Variants in CERS5 observed in about 807,000 individuals in gnomAD.
CERS5 encodes the protein LAG1 homolog, ceramide synthase 5.
In CERS5, 37 loss-of-function variants were observed where a neutral mutation model predicts 58.9. The observed-to-expected ratio is 0.63, with a 90% CI of 0.48 to 0.83. The LOEUF is 0.83. CERS5 is among the 40% of genes least tolerant of loss of function. The probability of loss-of-function intolerance (pLI) is 0.00; values close to 1 mark genes in which losing one functional copy is unlikely to be tolerated. For synonymous variants in CERS5, 147 were observed against 177.8 expected, an observed-to-expected ratio of 0.83 and a Z score of 1.38; for missense variants, 398 against 489.3, an observed-to-expected ratio of 0.81 and a Z score of 1.76.
rs866627536 is a variant in CERS5, at chr12:50,135,120, G to C, written c.873-418C>G. Among the ~76,000 whole-genome samples the C allele has an allele frequency of 3.1e-4, 39 of 124,214 alleles. 1 individual carries two copies. Among genetic ancestry groups the C allele is most frequent in the Admixed American group, 1.1e-3 (13 of 11,888 alleles). The allele number at this position is 124,214 out of a possible 152,430, so 81.5% of individuals were successfully genotyped here. A position where few individuals can be genotyped will look rare whatever the true frequency, so the allele number is the denominator to read the frequency against. Reference sequence around the variant, plus strand: ...GAGAGAGAGGAGAGGGAGGGAGGGAGAGAGAGGAGAGGGAGGGAGAGAGAG... The same window carrying C: ...GAGAGAGAGGAGAGGGAGGGAGGGACAGAGAGGAGAGGGAGGGAGAGAGAG... On this transcript the variant is annotated intron_variant, in intron 8 of 9. Coordinates refer to ENST00000317551, the MANE Select transcript of CERS5 (RefSeq NM_147190.5).
intron 8 of CERS5, chr12:50,135,315 GTGTGTGTGTGT>G (rs2138025064): frequency 7.8e-6 from 1 of 128,540 alleles, no homozygotes; most frequent in Non-Finnish European, 1.3e-5. Context: ...AGGAGTGTGT[GTGTGTGTGTGT>G]GTGTGTGTGT....
At chr12:50,132,354 A>T (rs1486569592) in intron 9 of CERS5, among the ~76,000 whole-genome samples, 1 of 151,982 alleles carries the variant, frequency 6.6e-6, no homozygotes, top group East Asian at 1.9e-4. Flanking sequence ...GTGAGCCAAG[A>T]TCACGCCATT....
chr12:50,131,183 C>G (rs1224991023), intron 9 of CERS5, among the ~76,000 whole-genome samples: 1 of 152,202 alleles, frequency 6.6e-6, no homozygotes, highest in Non-Finnish European at 1.5e-5. Flanking sequence ...TTTCCCACTC[C>G]TGGGCTCAAC....
At chr12:50,131,552 C>CCAT (rs1306071006) in intron 9 of CERS5, among the ~76,000 whole-genome samples, 4 of 127,524 alleles carry the variant, frequency 3.1e-5, no homozygotes, top group Non-Finnish European at 6.5e-5. Flanking sequence ...GAGTGAGACT[C>CCAT]CATCTCAAAA....
At chr12:50,142,374 G>GA (rs1327454314) in intron 3 of CERS5, among the ~76,000 whole-genome samples, 3 of 152,032 alleles carry the variant, frequency 2.0e-5, no homozygotes, top group Non-Finnish European at 4.4e-5. Context: ...CCAACATAGT[G>GA]AAACCTTGTC....
Position 50,129,699 on chromosome 12 carries a change from G to A in CERS5, c.*846C>T. 1 of 152,132 alleles carries A rather than the reference G, an allele frequency of 6.6e-6. No homozygotes were observed. The highest frequency in any genetic ancestry group is 1.5e-5 in the Non-Finnish European group (1 of 68,008). 9.4% of individuals were successfully genotyped at this position (152,132 alleles called of 1,614,324 possible). On this transcript the variant is annotated 3_prime_UTR_variant, in exon 10 of 10. Coordinates refer to ENST00000317551, the MANE Select transcript of CERS5 (RefSeq NM_147190.5). Reference sequence around the variant, plus strand: ...CATGCACAGAAAGGAAAAATTTGGTGTCCAGGGCCTTCTGAATCAGACCTG... The same window carrying A: ...CATGCACAGAAAGGAAAAATTTGGTATCCAGGGCCTTCTGAATCAGACCTG...
At chr12:50,149,685 T>A (rs1937729063) in intron 1 of CERS5, among the ~76,000 whole-genome samples, 1 of 152,182 alleles carries the variant, frequency 6.6e-6, no homozygotes, top group Non-Finnish European at 1.5e-5. Context: ...GCCAGAAACC[T>A]TTAGTCTGTA....
chr12:50,134,515 C>T, intron 9 of CERS5, 31 bp downstream of exon 9: 3 of 1,613,954 alleles, frequency 1.9e-6, no homozygotes, highest in Non-Finnish European at 2.5e-6. Flanking sequence ...TCTTCCATAC[C>T]CAAAAGAAAG....
intron 1 of CERS5, chr12:50,144,512 T>C: frequency 3.0e-6 from 1 of 338,860 alleles, no homozygotes. Flanking sequence ...TAAATGGCAG[T>C]TTCCTTACAT....
chr12:50,135,594 CAGGGCAAT>C (rs1565770190), intron 8 of CERS5, 130 bp downstream of exon 8: 1 of 770,248 alleles, frequency 1.3e-6, no homozygotes, highest in Admixed American at 1.8e-5. Context: ...AAGGTAAAAG[CAGGGCAAT>C]AGGGTTCTTG....
At chr12:50,160,160 C>T (rs1397739819) in intron 1 of CERS5, among the ~76,000 whole-genome samples, 1 of 151,562 alleles carries the variant, frequency 6.6e-6, no homozygotes, top group Non-Finnish European at 1.5e-5. Flanking sequence ...CAAAAATTAG[C>T]TGGGCGTGGT....
At chr12:50,148,946 A>ATATATATATATATATATATATG (rs1420401358) in intron 1 of CERS5, among the ~76,000 whole-genome samples, 9 of 103,134 alleles carry the variant, frequency 8.7e-5, no homozygotes, top group Non-Finnish European at 1.8e-4. Flanking sequence ...ATATATATAT[A>ATATATATATATATATATATATG]TGTGTGTGTG....
At chr12:50,147,503 T>G (rs1952357729) in intron 1 of CERS5, 1 of 151,914 alleles carries the variant, frequency 6.6e-6, no homozygotes, top group Non-Finnish European at 1.5e-5. Flanking sequence ...CAAAGTGTGG[T>G]TTAGAGACCC....
intron 6 of CERS5, among the ~76,000 whole-genome samples, chr12:50,136,914 A>T (rs1380241869): frequency 6.6e-6 from 1 of 152,216 alleles, no homozygotes; most frequent in Non-Finnish European, 1.5e-5. Flanking sequence ...TCTTATATGT[A>T]TCACAATTAA....
At chr12:50,147,628 A>G (rs1427196472) in intron 1 of CERS5, among the ~76,000 whole-genome samples, 1 of 152,226 alleles carries the variant, frequency 6.6e-6, no homozygotes, top group African/African-American at 2.4e-5. Flanking sequence ...GGAACTTTCC[A>G]TAAGTTACAT....
chr12:50,161,059 G>A (rs573222268), intron 1 of CERS5, among the ~76,000 whole-genome samples: 32 of 152,288 alleles, frequency 2.1e-4, no homozygotes, highest in South Asian at 1.0e-3. Context: ...GCATCTGAGT[G>A]GACAAGAATA....
At chr12:50,132,749 C>G (rs1951401261) in intron 9 of CERS5, among the ~76,000 whole-genome samples, 1 of 151,794 alleles carries the variant, frequency 6.6e-6, no homozygotes, top group Non-Finnish European at 1.5e-5. Context: ...TAAACAGAGA[C>G]TCAAGAAAAA....
chr12:50,151,211 A>G (rs1456201467), intron 1 of CERS5, among the ~76,000 whole-genome samples: 6 of 151,970 alleles, frequency 3.9e-5, no homozygotes, highest in Admixed American at 3.3e-4. Flanking sequence ...CTGTCCCTAC[A>G]CTCCACTGAA....
intron 1 of CERS5, 107 bp downstream of exon 1, chr12:50,166,994 G>T: frequency 1.1e-6 from 1 of 952,262 alleles, no homozygotes; most frequent in Non-Finnish European, 1.5e-6. Flanking sequence ...CCCAGCCCCT[G>T]CTTCCGGGCT....
Sources: gnomAD v4.1 joint callset for allele counts (sites outside exome capture counted in the v4.1 genomes callset) on GRCh38, gnomAD v4.1.1 for gene constraint, MANE v1.5 for transcripts, NCBI Gene and HGNC (gene_info 2026-07-23, HGNC 2026-07-21) for gene names.